DPP10: variants seen among roughly 807,000 people sequenced by gnomAD.
DPP10 encodes the protein dipeptidyl peptidase like 10, also known as inactive dipeptidyl peptidase 10.
Under a neutral mutation model 120.9 loss-of-function variants are expected in DPP10, and 33 were observed. The observed-to-expected ratio is 0.27, with a 90% CI of 0.21 to 0.37. DPP10 has a LOEUF of 0.37. Ranked by LOEUF, DPP10 falls within the 10% of genes least tolerant of loss-of-function variation. The probability of loss-of-function intolerance (pLI) is 1.00; values close to 1 mark genes in which losing one functional copy is unlikely to be tolerated. For missense variants in DPP10, 816 were observed against 942.8 expected, an observed-to-expected ratio of 0.87 and a Z score of 1.76; for synonymous variants, 337 against 326.1, an observed-to-expected ratio of 1.03 and a Z score of -0.36.
At chr2:114,794,972 G>C (rs552880695) in intron 1 of DPP10, among the ~76,000 whole-genome samples, 1 of 152,300 alleles carries the variant, frequency 6.6e-6, no homozygotes, top group South Asian at 2.1e-4. Context: ...TTGTATGGCA[G>C]TCATTAATAC....
intron 1 of DPP10, among the ~76,000 whole-genome samples, chr2:114,651,051 T>C (rs1172067305): frequency 6.6e-6 from 1 of 152,212 alleles, no homozygotes; most frequent in African/African-American, 2.4e-5. Context: ...TGTATTGTTT[T>C]GGTCTATCTC....
At chr2:114,782,927 A>T (rs1217788355) in intron 1 of DPP10, among the ~76,000 whole-genome samples, 1 of 152,126 alleles carries the variant, frequency 6.6e-6, no homozygotes, top group Non-Finnish European at 1.5e-5. Context: ...CAGGTAGTGT[A>T]ATTCTTCCTT....
intron 1 of DPP10, among the ~76,000 whole-genome samples, chr2:115,230,644 T>C (rs1190554091): frequency 6.6e-6 from 1 of 152,070 alleles, no homozygotes. Context: ...AAGTATTGCA[T>C]TTAATGAAAA....
intron 1 of DPP10, among the ~76,000 whole-genome samples, chr2:114,635,767 TA>T (rs1443243015): frequency 2.0e-5 from 3 of 152,056 alleles, no homozygotes; most frequent in Non-Finnish European, 4.4e-5. Flanking sequence ...GCTACTTACA[TA>T]AAAAATTAAA....
intron 7 of DPP10, among the ~76,000 whole-genome samples, chr2:115,719,355 G>C (rs760442501): frequency 1.6e-4 from 25 of 152,286 alleles, no homozygotes; most frequent in Middle Eastern, 3.4e-3. Context: ...TTCCTGATAT[G>C]AATAATTGCA....
At chr2:114,553,620 A>T (rs1304411109) in intron 1 of DPP10, among the ~76,000 whole-genome samples, 1 of 152,240 alleles carries the variant, frequency 6.6e-6, no homozygotes, top group Non-Finnish European at 1.5e-5. Flanking sequence ...TAGGCTGGAC[A>T]GCAAATAAGT....
intron 1 of DPP10, among the ~76,000 whole-genome samples, chr2:115,168,206 C>T (rs1041451323): frequency 2.6e-5 from 4 of 152,120 alleles, no homozygotes; most frequent in African/African-American, 4.8e-5. Context: ...TTTAAACACA[C>T]ATGTATGCTC....
chr2:114,451,142 A>G (rs1443052527), intron 1 of DPP10, among the ~76,000 whole-genome samples: 1 of 152,028 alleles, frequency 6.6e-6, no homozygotes, highest in Non-Finnish European at 1.5e-5. Context: ...AGACAATGCA[A>G]GGCAGGCATT....
At chr2:115,172,060 C>T (rs1204686138) in intron 1 of DPP10, among the ~76,000 whole-genome samples, 7 of 152,230 alleles carry the variant, frequency 4.6e-5, no homozygotes, top group Non-Finnish European at 8.8e-5. Context: ...TATCTACACA[C>T]AGCATCTGAA....
intron 1 of DPP10, among the ~76,000 whole-genome samples, chr2:114,546,726 C>T (rs1287784341): frequency 3.3e-5 from 5 of 152,200 alleles, no homozygotes; most frequent in African/African-American, 7.2e-5. Context: ...GGTGTGCACA[C>T]TTAATTGAGG....
At chr2:114,664,182 T>C (rs1195079497) in intron 1 of DPP10, among the ~76,000 whole-genome samples, 1 of 152,066 alleles carries the variant, frequency 6.6e-6, no homozygotes, top group African/African-American at 2.4e-5. Flanking sequence ...AGAGCTGCTC[T>C]CTGGAACTCA....
intron 1 of DPP10, among the ~76,000 whole-genome samples, chr2:114,722,254 G>T (rs534603362): frequency 6.6e-6 from 1 of 152,060 alleles, no homozygotes; most frequent in African/African-American, 2.4e-5. Flanking sequence ...TTATAATTTT[G>T]CCCTAGACTA....
At chr2:115,554,254 C>G (rs1158154209) in intron 5 of DPP10, among the ~76,000 whole-genome samples, 4 of 151,400 alleles carry the variant, frequency 2.6e-5, no homozygotes, top group Non-Finnish European at 5.9e-5. Flanking sequence ...ACAGATGTGT[C>G]CTTATACCTG....
At chr2:114,630,106 T>C (rs148485022) in intron 1 of DPP10, among the ~76,000 whole-genome samples, 175 of 152,290 alleles carry the variant, frequency 1.1e-3, no homozygotes, top group African/African-American at 3.9e-3. Flanking sequence ...ATATTAGCAA[T>C]ATGCTCCCTG....
At chr2:114,943,315 C>A (rs112521220) in intron 1 of DPP10, among the ~76,000 whole-genome samples, 3 of 152,254 alleles carry the variant, frequency 2.0e-5, no homozygotes, top group African/African-American at 7.2e-5. Context: ...GCTCTGTCAC[C>A]CAGGCTGGAG....
At chr2:115,818,729 T>TAATTGCCACTG (rs745329438) in intron 21 of DPP10, among the ~76,000 whole-genome samples, 3 of 152,128 alleles carry the variant, frequency 2.0e-5, no homozygotes, top group Non-Finnish European at 4.4e-5. Flanking sequence ...ACTGAGAAAT[T>TAATTGCCACTG]AGAAGCTCAG....
intron 1 of DPP10, among the ~76,000 whole-genome samples, chr2:115,267,899 C>T (rs898022819): frequency 1.3e-5 from 2 of 152,150 alleles, no homozygotes; most frequent in African/African-American, 2.4e-5. Flanking sequence ...CCACTCATTT[C>T]ATAATGCTCT....
intron 1 of DPP10, among the ~76,000 whole-genome samples, chr2:115,164,184 G>T (rs2052656639): frequency 6.6e-6 from 1 of 151,960 alleles, no homozygotes; most frequent in African/African-American, 2.4e-5. Context: ...ATGGCACCTC[G>T]CAGTGAGGGT....
At chr2:114,774,579 T>A (rs1387827510) in intron 1 of DPP10, among the ~76,000 whole-genome samples, 1 of 149,726 alleles carries the variant, frequency 6.7e-6, no homozygotes, top group African/African-American at 2.5e-5. Context: ...ATATTTAATA[T>A]AGTTTCAAAG....
Sources: gnomAD v4.1 joint callset for allele counts (sites outside exome capture counted in the v4.1 genomes callset) on GRCh38, gnomAD v4.1.1 for gene constraint, MANE v1.5 for transcripts, NCBI Gene and HGNC (gene_info 2026-07-23, HGNC 2026-07-21) for gene names.